Variants in NOMO2 observed in about 807,000 individuals in gnomAD.
The protein encoded by NOMO2 is BOS complex subunit NOMO2.
A neutral mutation model predicts 67.1 loss-of-function variants in NOMO2; 14 were observed. That is an observed-to-expected ratio of 0.21 (90% CI 0.14 to 0.33). The LOEUF is 0.33. Ranked by LOEUF, NOMO2 falls within the 10% of genes least tolerant of loss-of-function variation. The pLI is 1.00. For missense variants in NOMO2, 178 were observed against 761.0 expected (o/e 0.23, Z 9.01); for synonymous variants, 80 against 305.9 (o/e 0.26, Z 7.71).
chr16:18,545,477 C>T (rs1901646866), intron 6 of NOMO2, among the ~76,000 whole-genome samples: 1 of 151,634 alleles, frequency 6.6e-6, no homozygotes, highest in South Asian at 2.1e-4. Flanking sequence ...GAAGAGACAT[C>T]TAGGTGTGAA....
At position 18,559,573 on chromosome 16, in the gene NOMO2, A is replaced by G. The variant is rs375072454; in HGVS notation, c.166-1782T>C. On this transcript the variant is annotated intron_variant, in intron 1 of 30. Coordinates refer to ENST00000622306, the MANE Select transcript of NOMO2 (RefSeq NM_173614.4). Reference sequence around the variant, plus strand: ...AAAGTTCTCTGAGGTCAGTGACCACAACTTCATTCCCCAGTGCCTGAGACA... The same window carrying G: ...AAAGTTCTCTGAGGTCAGTGACCACGACTTCATTCCCCAGTGCCTGAGACA... 6.3e-3 allele frequency among the ~76,000 whole-genome samples: 923 copies of G among 147,344 alleles called. 1 individual carries two copies. Among genetic ancestry groups the G allele is most frequent in the African/African-American group, 0.023 (867 of 36,960 alleles).
chr16:18,561,846 T>A (rs747903836), intron 1 of NOMO2, 30 bp downstream of exon 1: 10 of 1,543,002 alleles, frequency 6.5e-6, no homozygotes, highest in Non-Finnish European at 8.7e-6. Context: ...GCCCGGCGAC[T>A]CGGCGCCGGG....
At chr16:18,529,386 G>A (rs1203479701) in intron 15 of NOMO2, 115 bp downstream of exon 15, 3 of 1,607,912 alleles carry the variant, frequency 1.9e-6, no homozygotes, top group East Asian at 2.2e-5. Context: ...GAGTGGAGAG[G>A]CAGAAAAGGA....
rs140063498 is a variant in NOMO2 at position 18,543,625 on chromosome 16, T to C, written c.727A>G (p.Thr243Ala). 190 of 1,611,752 alleles carry C rather than the reference T, an allele frequency of 1.2e-4. 1 individual carries two copies. In the African/African-American group the frequency reaches 2.2e-3, roughly 19 times the overall value. The change falls in exon 7 of 31, where the codon ACT becomes GCT. Residue 243 changes from threonine (T) to alanine (A), a missense_variant. Physicochemically the swap from Thr to Ala is moderately conservative, Grantham distance 58 (BLOSUM62 0). Transcript: ENST00000622306. ...VKFLLFSSLV[T>A]KEDVLGCNVS... ...TTCTTTTCTTTGCTTACCTCTTTAGTTACTAAAGAAGAAAAGAGAAGAAAC... is the reference window on the plus strand; with the variant it reads ...TTCTTTTCTTTGCTTACCTCTTTAGCTACTAAAGAAGAAAAGAGAAGAAAC...
chr16:18,555,586 T>A (rs2141756784), intron 2 of NOMO2, among the ~76,000 whole-genome samples: 1 of 151,700 alleles, frequency 6.6e-6, no homozygotes, highest in African/African-American at 2.4e-5. Flanking sequence ...ATTTTACTTA[T>A]CAACCCTGGT....
chr16:18,543,262 T>C (rs1901588845), intron 7 of NOMO2, among the ~76,000 whole-genome samples: 1 of 143,358 alleles, frequency 7.0e-6, no homozygotes, highest in Non-Finnish European at 1.5e-5. Flanking sequence ...CACTGCAACC[T>C]CCACCTCCTG....
At chr16:18,560,569 C>T (rs1284903545) in intron 1 of NOMO2, among the ~76,000 whole-genome samples, 1 of 151,754 alleles carries the variant, frequency 6.6e-6, no homozygotes, top group Non-Finnish European at 1.5e-5. Context: ...GGAGCCCTGC[C>T]GCTGCCAGTG....
rs1271314631 is a variant in NOMO2, at chr16:18,529,709, A to C, written c.1670-72T>G. The stretch of plus-strand genomic sequence containing the variant: ...CACCTCCCTGCACGCCACCAGAAAC[A>C]ATGATCATGAATTAACTAATTTTAA... On this transcript the variant is annotated intron_variant, in intron 14 of 30. Coordinates refer to ENST00000622306, the MANE Select transcript of NOMO2 (RefSeq NM_173614.4). The C allele has an allele frequency of 3.2e-5, 34 of 1,062,174 alleles. 2 individuals are homozygous for C. The South Asian group carries it at 4.3e-4, about 13-fold the overall frequency. The allele number at this position is 1,062,174 out of a possible 1,614,324, so 65.8% of individuals were successfully genotyped here. A position where few individuals can be genotyped will look rare whatever the true frequency, so the allele number is the denominator to read the frequency against.
chr16:18,557,071 G>A (rs1240930861), intron 2 of NOMO2, among the ~76,000 whole-genome samples: 4 of 151,906 alleles, frequency 2.6e-5, no homozygotes, highest in African/African-American at 7.2e-5. Flanking sequence ...AGGTTGGAGT[G>A]AGGCAAGATC....
At chr16:18,545,480 G>C (rs1027979107) in intron 6 of NOMO2, among the ~76,000 whole-genome samples, 1 of 151,534 alleles carries the variant, frequency 6.6e-6, no homozygotes, top group African/African-American at 2.4e-5. Flanking sequence ...GAGACATCTA[G>C]GTGTGAAACT....
intron 12 of NOMO2, 51 bp from the exon 13 acceptor site, chr16:18,531,658 C>A (rs777987580): frequency 4.7e-5 from 76 of 1,609,184 alleles, no homozygotes; most frequent in Non-Finnish European, 6.0e-5. Flanking sequence ...GAGATCTTCC[C>A]CCTGACCTAC....
chr16:18,528,097 C>A (rs1286049479), intron 15 of NOMO2: 1 of 457,862 alleles, frequency 2.2e-6, no homozygotes, highest in Non-Finnish European at 4.4e-6. Context: ...AAACCAACAA[C>A]ACGTGTTTCT....
At chr16:18,526,795 C>T in intron 16 of NOMO2, among the ~76,000 whole-genome samples, 1 of 151,980 alleles carries the variant, frequency 6.6e-6, no homozygotes, top group South Asian at 2.1e-4. Flanking sequence ...GGGTGATGAA[C>T]AAATCTAAAA....
chr16:18,553,230 C>T (rs1377629048), intron 3 of NOMO2, among the ~76,000 whole-genome samples: 1 of 151,590 alleles, frequency 6.6e-6, no homozygotes, highest in Non-Finnish European at 1.5e-5. Context: ...TGAGATCACA[C>T]TCCAGCCTGG....
Position 18,533,130 on chromosome 16 carries a change from T to C in NOMO2, c.1270A>G (p.Lys424Glu). The C allele has an allele frequency of 6.2e-7, 1 of 1,611,462 alleles. No homozygotes were observed. The highest frequency in any genetic ancestry group is 8.5e-7 in the Non-Finnish European group (1 of 1,179,734). The change falls in exon 12 of 31, where the codon AAG becomes GAG. Residue 424 changes from lysine to glutamate, a missense_variant. Lys to Glu is a moderately conservative substitution (Grantham distance 56). Coordinates refer to ENST00000622306, the MANE Select transcript of NOMO2 (RefSeq NM_173614.4). ...ACAACTTTGTATTTATTCATCTGCT[T>C]GACGGTGTCCGGGAAGCGAATGATT... The part of the protein sequence containing the change: ...ISIIRFPDTV[K>E]QMNKYKVVLS...
chr16:18,536,308 T>C (rs1435318285), intron 11 of NOMO2, among the ~76,000 whole-genome samples: 1 of 152,218 alleles, frequency 6.6e-6, no homozygotes, highest in African/African-American at 2.4e-5. Context: ...TAGTCTTTAC[T>C]AAGGTCTCTG....
At chr16:18,561,854 G>A in intron 1 of NOMO2, 22 bp downstream of exon 1, 2 of 1,545,906 alleles carry the variant, frequency 1.3e-6, no homozygotes, top group Non-Finnish European at 1.7e-6. Context: ...ACTCGGCGCC[G>A]GGCGGCGGGG....
intron 5 of NOMO2, among the ~76,000 whole-genome samples, chr16:18,548,269 A>C (rs1389217852): frequency 6.6e-6 from 1 of 151,210 alleles, no homozygotes; most frequent in East Asian, 1.9e-4. Context: ...TCAACACCAA[A>C]TTACTAGCCC....
intron 9 of NOMO2, among the ~76,000 whole-genome samples, chr16:18,540,280 G>T (rs994398614): frequency 6.1e-5 from 9 of 146,878 alleles, no homozygotes; most frequent in African/African-American, 2.2e-4. Flanking sequence ...TTTCCAAAAA[G>T]ACATGTTTCA....
Sources: gnomAD v4.1 joint callset for allele counts (sites outside exome capture counted in the v4.1 genomes callset) on GRCh38, gnomAD v4.1.1 for gene constraint, MANE v1.5 for transcripts, NCBI Gene and HGNC (gene_info 2026-07-23, HGNC 2026-07-21) for gene names.